Variants in AOX1 observed in about 807,000 individuals in gnomAD.
AOX1 encodes the protein aldehyde oxidase 1, also known as aldehyde oxidase.
A neutral mutation model predicts 169.5 loss-of-function variants in AOX1; 153 were observed. That is an observed-to-expected ratio of 0.90 (90% CI 0.79 to 1.03). AOX1 has a LOEUF of 1.03. AOX1 is among the 50% of genes least tolerant of loss of function. AOX1 has a pLI of 0.00. For synonymous variants in AOX1, 562 were observed against 581.9 expected, an observed-to-expected ratio of 0.97 and a Z score of 0.49; for missense variants, 1,656 against 1,663.9, an observed-to-expected ratio of 1.00 and a Z score of 0.08.
Position 200,620,654 on chromosome 2 carries a change from T to C in AOX1, c.1709T>C (p.Ile570Thr). ...TTTTGGTTATTTATTAAACAGAATA[T>C]AGGCCCAAAGCAGCATCCTGAAGAC... Reference protein sequence around the residue: ...HHCSTLKYQNIGPKQHPEDPI... With the variant: ...HHCSTLKYQNTGPKQHPEDPI... Residue 570 changes from isoleucine to threonine, a missense_variant, in exon 17 of 35, where the codon ATA becomes ACA. Transcript: ENST00000374700. The C allele has an allele frequency of 6.5e-7, 1 of 1,532,112 alleles. No homozygotes were observed. The highest frequency in any genetic ancestry group is 1.3e-5 in the South Asian group (1 of 74,100). 94.9% of individuals were successfully genotyped at this position (1,532,112 alleles called of 1,614,324 possible).
intron 1 of AOX1, among the ~76,000 whole-genome samples, chr2:200,586,617 T>A (rs1381444962): frequency 6.6e-6 from 1 of 152,198 alleles, no homozygotes; most frequent in Admixed American, 6.5e-5. Context: ...GCAACTTAGA[T>A]TCGGGACAAG....
chr2:200,612,643 G>C lies in AOX1; in HGVS notation c.1298G>C (p.Arg433Pro), dbSNP rs145889928. ...EFVSAFRQAQ[R>P]QENALAIVNS... ...GTGTCAGCCTTCCGACAAGCCCAGC[G>C]ACAGGAGAATGCGCTAGCGATAGTC... The change falls in exon 14 of 35, where the codon CGA becomes CCA. Residue 433 changes from arginine to proline, a missense_variant. Arg to Pro is a moderately radical substitution (Grantham distance 103). Transcript: ENST00000374700. The C allele has an allele frequency of 5.0e-6, 8 of 1,613,888 alleles. No individual in the cohort carries two copies. Among genetic ancestry groups the C allele is most frequent in the South Asian group, 4.4e-5 (4 of 91,064 alleles).
downstream of AOX1, among the ~76,000 whole-genome samples, chr2:200,680,557 T>C (rs964578085): frequency 6.6e-6 from 1 of 152,040 alleles, no homozygotes; most frequent in Non-Finnish European, 1.5e-5. Context: ...GTTTTTGTTT[T>C]TGTTTTGAGG....
chr2:200,595,434 A>G (rs950859684), intron 3 of AOX1, 66 bp downstream of exon 3: 1 of 1,173,286 alleles, frequency 8.5e-7, no homozygotes, highest in Non-Finnish European at 1.2e-6. Context: ...ATATTCCTTC[A>G]TTTGGTAAAT....
At chr2:200,659,784 TCTCACACACACACACACACA>T (rs1179012152) in intron 28 of AOX1, among the ~76,000 whole-genome samples, 191 bp from the exon 29 acceptor site, 1 of 79,578 alleles carries the variant, frequency 1.3e-5, no homozygotes, top group Non-Finnish European at 2.6e-5. Context: ...CAGTTCTCTC[TCTCACACACACACACACACA>T]CACACACACA....
intron 12 of AOX1, among the ~76,000 whole-genome samples, chr2:200,610,664 T>A (rs1438498917): frequency 6.6e-6 from 1 of 152,170 alleles, no homozygotes; most frequent in Non-Finnish European, 1.5e-5. Context: ...GTGGGGTTCC[T>A]GGTTATAAAC....
At chr2:200,649,273 G>A (rs2035531492) in intron 25 of AOX1, among the ~76,000 whole-genome samples, 2 of 151,402 alleles carry the variant, frequency 1.3e-5, no homozygotes, top group South Asian at 4.2e-4. Flanking sequence ...CAAGCTCCTA[G>A]GGCCTTTCTG....
chr2:200,586,237 T>A, intron 1 of AOX1, 84 bp downstream of exon 1: 1 of 1,398,376 alleles, frequency 7.2e-7, no homozygotes, highest in Non-Finnish European at 9.5e-7. Flanking sequence ...GTCCCATCCT[T>A]TCGTGCCCGC....
chr2:200,599,375 C>T (rs1413798484), intron 4 of AOX1, among the ~76,000 whole-genome samples: 7 of 152,092 alleles, frequency 4.6e-5, no homozygotes, highest in Non-Finnish European at 7.4e-5. Flanking sequence ...TAACACTGTC[C>T]GGGTGATTCT....
At chr2:200,588,406 TCTC>T (rs1387709175) in intron 1 of AOX1, 1 of 152,242 alleles carries the variant, frequency 6.6e-6, no homozygotes, top group East Asian at 1.9e-4. Context: ...GAGTCTAACA[TCTC>T]CTCGCTTCTC....
At chr2:200,638,131 AG>A (rs1245756589) in intron 22 of AOX1, 83 bp from the exon 23 acceptor site, 2 of 1,235,412 alleles carry the variant, frequency 1.6e-6, no homozygotes, top group Non-Finnish European at 2.4e-6. Context: ...GGCTCCACTC[AG>A]GCTCTTGCCA....
At chr2:200,657,701 T>A (rs188542833) in intron 27 of AOX1, among the ~76,000 whole-genome samples, 6 of 152,218 alleles carry the variant, frequency 3.9e-5, no homozygotes, top group Non-Finnish European at 8.8e-5. Context: ...AGTCAAACTT[T>A]ATCTGTTTGC....
intron 27 of AOX1, among the ~76,000 whole-genome samples, chr2:200,657,557 G>A (rs575002060): frequency 6.6e-6 from 1 of 152,186 alleles, no homozygotes; most frequent in East Asian, 1.9e-4. Context: ...TATAGTGACA[G>A]TTGAGTTGTC....
intron 5 of AOX1, among the ~76,000 whole-genome samples, chr2:200,601,939 T>G (rs2034424349): frequency 6.6e-6 from 1 of 151,820 alleles, no homozygotes; most frequent in Admixed American, 6.6e-5. Flanking sequence ...GTCTCAAAAA[T>G]AAAAGTAAAA....
chr2:200,664,998 T>C lies in AOX1; in HGVS notation c.3544-1689T>C, dbSNP rs190172700. On this transcript the variant is annotated intron_variant, in intron 31 of 34. Coordinates refer to ENST00000374700, the MANE Select transcript of AOX1 (RefSeq NM_001159.4). ...CTCAACGGGGACAGGAGAATCCTGT[T>C]CCATCTCCCTCCATCATAGCGTTGT... 1.3e-4 allele frequency among the ~76,000 whole-genome samples: 20 copies of C among 152,318 alleles called. No homozygotes were observed. The East Asian group carries it at 3.7e-3, about 28-fold the overall frequency.
intron 26 of AOX1, among the ~76,000 whole-genome samples, chr2:200,652,338 G>C (rs1372494707): frequency 1.3e-5 from 2 of 152,148 alleles, no homozygotes; most frequent in Admixed American, 6.6e-5. Flanking sequence ...TTGCCTGTTT[G>C]TGATGGCAAA....
intron 16 of AOX1, among the ~76,000 whole-genome samples, chr2:200,617,401 A>C (rs1030908955): frequency 6.8e-6 from 1 of 147,970 alleles, no homozygotes; most frequent in African/African-American, 2.5e-5. Context: ...TTCCTTCCAT[A>C]GTATCTTTAG....
chr2:200,632,257 G>A (rs1384272833), intron 20 of AOX1, among the ~76,000 whole-genome samples: 1 of 151,074 alleles, frequency 6.6e-6, no homozygotes, highest in Non-Finnish European at 1.5e-5. Context: ...ATACCTCCTT[G>A]TACAGATTTT....
At chr2:200,588,726 C>CTTTTTTTTTTCTTT (rs2034096771) in intron 1 of AOX1, among the ~76,000 whole-genome samples, 1 of 53,986 alleles carries the variant, frequency 1.9e-5, no homozygotes, top group African/African-American at 6.2e-5. Context: ...CTAGAATAAG[C>CTTTTTTTTTTCTTT]TTTTTTTTTT....
Sources: gnomAD v4.1 joint callset for allele counts (sites outside exome capture counted in the v4.1 genomes callset) on GRCh38, gnomAD v4.1.1 for gene constraint, MANE v1.5 for transcripts, NCBI Gene and HGNC (gene_info 2026-07-23, HGNC 2026-07-21) for gene names.